Variants in COG5 observed in about 807,000 individuals in gnomAD.
COG5 encodes component of oligomeric golgi complex 5, also known as conserved oligomeric Golgi complex subunit 5.
Under a neutral mutation model 110.4 loss-of-function variants are expected in COG5, and 86 were observed. That is an observed-to-expected ratio of 0.78 (90% CI 0.65 to 0.93). The LOEUF (loss-of-function observed/expected upper bound fraction) is 0.93, where lower values mean the gene tolerates loss of function less well. COG5 is among the 40% of genes least tolerant of loss of function. The pLI is 0.00. For synonymous variants in COG5, 360 were observed against 334.6 expected (o/e 1.08, Z -0.83); for missense variants, 1,077 against 987.0 (o/e 1.09, Z -1.22).
At chr7:107,205,390 G>A (rs959564927) in intron 21 of COG5, among the ~76,000 whole-genome samples, 15 of 152,166 alleles carry the variant, frequency 9.9e-5, no homozygotes, top group African/African-American at 2.9e-4. Flanking sequence ...ATAGCTTGAT[G>A]TGGCCTAAAA....
chr7:107,504,484 T>A (rs1022821095), intron 6 of COG5, among the ~76,000 whole-genome samples: 3 of 152,190 alleles, frequency 2.0e-5, no homozygotes, highest in Non-Finnish European at 4.4e-5. Flanking sequence ...CTTTCTGAGT[T>A]TTGGTATCAG....
chr7:107,507,386 C>T (rs1225961495), intron 6 of COG5, among the ~76,000 whole-genome samples: 6 of 151,052 alleles, frequency 4.0e-5, no homozygotes, highest in Admixed American at 2.6e-4. Context: ...CTCTGCCTCC[C>T]GGGTTCACAC....
intron 5 of COG5, among the ~76,000 whole-genome samples, chr7:107,541,567 T>C (rs941764230): frequency 2.8e-4 from 40 of 143,846 alleles, no homozygotes; most frequent in African/African-American, 1.0e-3. Flanking sequence ...TGTGTATTTA[T>C]ATAAATGAAA....
At chr7:107,223,553 C>A (rs1800106228) in intron 19 of COG5, among the ~76,000 whole-genome samples, 1 of 152,094 alleles carries the variant, frequency 6.6e-6, no homozygotes, top group Non-Finnish European at 1.5e-5. Context: ...TGTCTGGGAG[C>A]CTGAATGCAA....
intron 7 of COG5, 102 bp downstream of exon 7, chr7:107,412,400 A>G (rs187392863): frequency 6.5e-6 from 7 of 1,069,928 alleles, no homozygotes; most frequent in African/African-American, 4.7e-5. Context: ...TCTCAGTGAT[A>G]TATTACTATA....
At chr7:107,342,369 A>C (rs1420145793) in intron 10 of COG5, among the ~76,000 whole-genome samples, 2 of 83,042 alleles carry the variant, frequency 2.4e-5, no homozygotes, top group African/African-American at 8.0e-5. Flanking sequence ...CAAACAAACC[A>C]AAAAAAAAAA....
intron 6 of COG5, among the ~76,000 whole-genome samples, chr7:107,477,296 A>G (rs1797050222): frequency 1.3e-5 from 2 of 151,744 alleles, no homozygotes. Context: ...TAAAATTTTA[A>G]TATCTAGTTT....
chr7:107,266,776 G>A (rs1285845516), intron 14 of COG5, among the ~76,000 whole-genome samples: 1 of 152,144 alleles, frequency 6.6e-6, no homozygotes, highest in Non-Finnish European at 1.5e-5. Context: ...AGTTATGTGT[G>A]TGTGCTTTAG....
chr7:107,377,159 A>G (rs1327671910), intron 7 of COG5, among the ~76,000 whole-genome samples: 1 of 152,050 alleles, frequency 6.6e-6, no homozygotes, highest in East Asian at 1.9e-4. Flanking sequence ...TTTATTCCTT[A>G]AATGTTTGGA....
intron 11 of COG5, among the ~76,000 whole-genome samples, chr7:107,300,661 G>A (rs1807180591): frequency 6.6e-6 from 1 of 152,098 alleles, no homozygotes; most frequent in South Asian, 2.1e-4. Flanking sequence ...ACAATGCTGA[G>A]ATGAAGAAGA....
At chr7:107,251,519 C>T (rs901496303) in intron 16 of COG5, among the ~76,000 whole-genome samples, 2 of 152,080 alleles carry the variant, frequency 1.3e-5, no homozygotes, top group African/African-American at 4.8e-5. Context: ...AAACCATCAA[C>T]ATTTAATTCT....
In COG5 at chr7:107,563,815, G is replaced by T. The variant is rs771068601; in HGVS notation, c.82C>A (p.Leu28Ile). 1.5e-5 allele frequency: 24 copies of T among 1,613,804 alleles called. No homozygotes were observed. Among genetic ancestry groups the T allele is most frequent in the Non-Finnish European group, 2.0e-5 (24 of 1,179,916 alleles). Reference protein sequence around the residue: ...SGAAAATVRELLQDGCYSDFL... With the variant: ...SGAAAATVREILQDGCYSDFL... Reference sequence around the variant, plus strand: ...CCCGTCTCCTTACCGTCCTGCAGAAGTTCCCGGACTGTAGCTGCAGCCGCT... The same window carrying T: ...CCCGTCTCCTTACCGTCCTGCAGAATTTCCCGGACTGTAGCTGCAGCCGCT... The change falls in exon 1 of 22, where the codon CTT becomes ATT. Residue 28 changes from leucine (L) to isoleucine (I), a missense_variant. Coordinates refer to ENST00000297135, the MANE Select transcript of COG5 (RefSeq NM_006348.5).
chr7:107,339,774 G>A (rs114819414), intron 10 of COG5, among the ~76,000 whole-genome samples: 2,234 of 151,842 alleles, frequency 0.015, 54 homozygotes, highest in African/African-American at 0.052. Flanking sequence ...ATGACTTTTG[G>A]GCAAGCAGTG....
chr7:107,403,703 C>A (rs1791606675), intron 7 of COG5, among the ~76,000 whole-genome samples: 3 of 152,156 alleles, frequency 2.0e-5, no homozygotes, highest in East Asian at 1.9e-4. Flanking sequence ...TGCAAAAAGT[C>A]TTTTATAAGG....
chr7:107,322,907 GCAA>G (rs1809430367), intron 11 of COG5, among the ~76,000 whole-genome samples: 1 of 152,110 alleles, frequency 6.6e-6, no homozygotes, highest in Non-Finnish European at 1.5e-5. Context: ...ACCGATATAT[GCAA>G]CAACATGGAA....
intron 6 of COG5, among the ~76,000 whole-genome samples, chr7:107,493,687 G>A (rs1044210011): frequency 5.3e-5 from 8 of 152,084 alleles, no homozygotes; most frequent in Non-Finnish European, 1.5e-5. Flanking sequence ...GCACAACACT[G>A]TTCTTGTCAT....
chr7:107,556,193 A>G (rs904600451), intron 2 of COG5, among the ~76,000 whole-genome samples: 3 of 152,208 alleles, frequency 2.0e-5, no homozygotes, highest in Admixed American at 2.0e-4. Context: ...AGGTACTTCC[A>G]GGCCTCTGTA....
intron 21 of COG5, among the ~76,000 whole-genome samples, chr7:107,207,278 A>G (rs1798853682): frequency 6.6e-6 from 1 of 152,214 alleles, no homozygotes; most frequent in Non-Finnish European, 1.5e-5. Flanking sequence ...ACATGGTACC[A>G]GGAGGAGAAA....
chr7:107,252,824 T>C (rs540809257), intron 16 of COG5, among the ~76,000 whole-genome samples: 7 of 152,218 alleles, frequency 4.6e-5, no homozygotes, highest in Admixed American at 2.6e-4. Context: ...ATTATTTCAA[T>C]AGATGCAGAA....
Sources: gnomAD v4.1 joint callset for allele counts (sites outside exome capture counted in the v4.1 genomes callset) on GRCh38, gnomAD v4.1.1 for gene constraint, MANE v1.5 for transcripts, NCBI Gene and HGNC (gene_info 2026-07-23, HGNC 2026-07-21) for gene names.